The following GLP1R variants were observed in gnomAD, a reference collection of about 807,000 sequenced individuals.
The protein encoded by GLP1R is glucagon like peptide 1 receptor.
Under a neutral mutation model 68.4 loss-of-function variants are expected in GLP1R, and 32 were observed. The observed-to-expected ratio is 0.47, with a 90% CI of 0.35 to 0.63. GLP1R has a LOEUF of 0.63. Among genes scored for constraint, GLP1R ranks in the 20% least tolerant of loss-of-function variants. GLP1R has a pLI of 0.00. For missense variants in GLP1R, 502 were observed against 594.9 expected, an observed-to-expected ratio of 0.84 and a Z score of 1.62; for synonymous variants, 263 against 244.4, an observed-to-expected ratio of 1.08 and a Z score of -0.71.
rs1562021040 is a variant in GLP1R at position 39,086,036 on chromosome 6, G to C, written c.1355G>C (p.Ser452Thr). The change falls in exon 13 of 13, where the codon AGC becomes ACC. Residue 452 changes from serine (S) to threonine (T), a missense_variant. Ser to Thr is a moderately conservative substitution (Grantham distance 58). Coordinates refer to ENST00000373256, the MANE Select transcript of GLP1R (RefSeq NM_002062.5). This position sits in a 1 kb window ranked among gnomAD's most constrained non-coding sequence, Gnocchi z 4.5. ...AGCAGTGGAGCCACGGCGGGCAGCA[G>C]CATGTACACAGCCACTTGCCAGGCC... is the stretch of plus-strand genomic sequence containing the variant. ...SLSSGATAGSSMYTATCQASC... is the reference protein window; with the variant it reads ...SLSSGATAGSTMYTATCQASC... The C allele has an allele frequency of 6.2e-7, 1 of 1,614,022 alleles. No individual in the cohort carries two copies. Among genetic ancestry groups the C allele is most frequent in the Non-Finnish European group, 8.5e-7 (1 of 1,179,956 alleles).
chr6:39,072,600 A>C (rs1472292181), intron 5 of GLP1R, among the ~76,000 whole-genome samples: 1 of 152,252 alleles, frequency 6.6e-6, no homozygotes, highest in Non-Finnish European at 1.5e-5. Context: ...GTGTCAAAGA[A>C]GATGCTGCAG....
At chr6:39,065,178 G>A (rs1275439074) in intron 3 of GLP1R, among the ~76,000 whole-genome samples, 1 of 152,162 alleles carries the variant, frequency 6.6e-6, no homozygotes, top group African/African-American at 2.4e-5. Context: ...TCAGTGCTCT[G>A]TCTTCCTTCC....
intron 12 of GLP1R, among the ~76,000 whole-genome samples, chr6:39,085,176 T>C (rs1350987343): frequency 6.6e-6 from 1 of 151,994 alleles, no homozygotes; most frequent in Non-Finnish European, 1.5e-5. Context: ...GATTTGTCTC[T>C]TTCTGCCCCA....
At position 39,090,457 on chromosome 6, in the gene GLP1R, C is replaced by T. The variant is rs1434603236; in HGVS notation, c.*4384C>T. 6.6e-6 allele frequency among the ~76,000 whole-genome samples: 1 copy of T among 152,130 alleles called. No individual in the cohort carries two copies. Among genetic ancestry groups the T allele is most frequent in the Non-Finnish European group, 1.5e-5 (1 of 68,034 alleles). ...ATCCAACTTCCCTCCCTGCACTCCT[C>T]CTCCCCGACAGCTGCCTCAGGAATA... On this transcript the variant is annotated 3_prime_UTR_variant, in exon 13 of 13. Coordinates refer to ENST00000373256, the MANE Select transcript of GLP1R (RefSeq NM_002062.5).
intron 3 of GLP1R, among the ~76,000 whole-genome samples, chr6:39,058,532 C>T (rs1021987735): frequency 3.3e-5 from 5 of 152,118 alleles, no homozygotes; most frequent in Non-Finnish European, 5.9e-5. Context: ...TCTATCCCAG[C>T]CTCCCTTGCT....
At position 39,083,924 on chromosome 6, in the gene GLP1R, T is replaced by C. The variant is rs1050329813; in HGVS notation, c.1225-1982T>C. ...CTGATGTGAGATGCTCATGCATTTA[T>C]GTGTTCATTCATTTGGTTCATTTAA... On this transcript the variant is annotated intron_variant, in intron 12 of 12. Transcript: ENST00000373256. Among the ~76,000 whole-genome samples the C allele has an allele frequency of 4.6e-5, 7 of 152,244 alleles. No homozygotes were observed. In the East Asian group the frequency reaches 1.3e-3, roughly 29 times the overall value.
rs754231625 is a variant in GLP1R, at chr6:39,085,899, A to G, written c.1225-7A>G. ...TGGCTTTCGTTTCCCTCCTTTTCCC[A>G]TGGAAGGTCCAGCTGGAATTTCGGA... On this transcript the variant is annotated splice_region_variant and splice_polypyrimidine_tract_variant and intron_variant, in intron 12 of 12. Transcript: ENST00000373256. 8 of 1,613,604 alleles carry G rather than the reference A, an allele frequency of 5.0e-6. No individual in the cohort carries two copies. In the Admixed American group the frequency reaches 8.3e-5, roughly 17 times the overall value.
In GLP1R at chr6:39,088,455, G is replaced by A. The variant is rs568649488; in HGVS notation, c.*2382G>A. Among the ~76,000 whole-genome samples the A allele has an allele frequency of 4.6e-5, 7 of 152,280 alleles. No homozygotes were observed. The East Asian group carries it at 1.2e-3, about 25-fold the overall frequency. On this transcript the variant is annotated 3_prime_UTR_variant, in exon 13 of 13. Transcript: ENST00000373256. ...GCCTGATGCCTAATGCCATACGCCT[G>A]GAACTTGCTGAGAACTCTCGGCTGC... is the stretch of plus-strand genomic sequence containing the variant.
intron 1 of GLP1R, among the ~76,000 whole-genome samples, chr6:39,050,216 G>A (rs1299575388): frequency 6.6e-6 from 1 of 152,168 alleles, no homozygotes; most frequent in Non-Finnish European, 1.5e-5. Flanking sequence ...GCCAGGCCTT[G>A]GTTTTCCTGG....
chr6:39,080,808 A>G (rs1245862524), intron 12 of GLP1R, 69 bp downstream of exon 12: 4 of 917,230 alleles, frequency 4.4e-6, no homozygotes, highest in Non-Finnish European at 6.7e-6. Flanking sequence ...GAGTAGTACA[A>G]TGGGGACTCC....
intron 5 of GLP1R, among the ~76,000 whole-genome samples, chr6:39,069,078 G>A (rs1422986930): frequency 6.6e-6 from 1 of 152,164 alleles, no homozygotes; most frequent in Non-Finnish European, 1.5e-5. Flanking sequence ...GGGCAGCCAT[G>A]CTGTACCCTC....
At chr6:39,060,962 A>T (rs1286960511) in intron 3 of GLP1R, among the ~76,000 whole-genome samples, 1 of 152,208 alleles carries the variant, frequency 6.6e-6, no homozygotes, top group African/African-American at 2.4e-5. Context: ...CCCTTCTGCC[A>T]GGAGTGTGGC....
At chr6:39,054,373 G>T (rs1035828008) in intron 1 of GLP1R, among the ~76,000 whole-genome samples, 1 of 152,090 alleles carries the variant, frequency 6.6e-6, no homozygotes, top group African/African-American at 2.4e-5. Context: ...AGGCTCGAAG[G>T]TATTTAGAAG....
At chr6:39,068,305 C>T (rs753634843) in intron 5 of GLP1R, among the ~76,000 whole-genome samples, 13 of 152,162 alleles carry the variant, frequency 8.5e-5, no homozygotes, top group Non-Finnish European at 1.5e-4. Flanking sequence ...AAGCCCCACT[C>T]GCACAGCTTT....
In GLP1R at chr6:39,088,304, G is replaced by A. The variant is rs551790517; in HGVS notation, c.*2231G>A. Among the ~76,000 whole-genome samples, 24 of 150,676 alleles carry A rather than the reference G, an allele frequency of 1.6e-4. No individual in the cohort carries two copies. Among genetic ancestry groups the A allele is most frequent in the African/African-American group, 4.9e-4 (20 of 40,972 alleles). ...CCAACCCCCGCTCCCCCGGCCCCCC[G>A]AAGCTATTAATAGTCATTCAAATGG... is the stretch of plus-strand genomic sequence containing the variant. On this transcript the variant is annotated 3_prime_UTR_variant, in exon 13 of 13. Transcript: ENST00000373256.
chr6:39,054,802 AT>A (rs1768172716), intron 1 of GLP1R, among the ~76,000 whole-genome samples: 2 of 152,302 alleles, frequency 1.3e-5, no homozygotes, highest in South Asian at 4.1e-4. Context: ...TAGGGGCAGC[AT>A]GGAAGAGCCC....
chr6:39,050,711 A>G (rs1768068193), intron 1 of GLP1R, among the ~76,000 whole-genome samples: 1 of 152,220 alleles, frequency 6.6e-6, no homozygotes, highest in Non-Finnish European at 1.5e-5. Context: ...CGTGCTTATA[A>G]GACTAAAAAA....
chr6:39,057,338 T>A (rs1768238724), intron 2 of GLP1R, 134 bp from the exon 3 acceptor site: 4 of 642,680 alleles, frequency 6.2e-6, no homozygotes, highest in African/African-American at 1.8e-5. Flanking sequence ...GGGAAAGTGC[T>A]TGGCATACAG....
In GLP1R at chr6:39,072,664, C is replaced by A. The variant is rs186750605; in HGVS notation, c.510-198C>A. On this transcript the variant is annotated intron_variant, in intron 5 of 12. Coordinates refer to ENST00000373256, the MANE Select transcript of GLP1R (RefSeq NM_002062.5). ...GGGGGCAGTGACTACATAGCGGAAG[C>A]CTTCATGGAGAGGCAGGATTTGAGT... Among the ~76,000 whole-genome samples, 6 of 152,258 alleles carry A rather than the reference C, an allele frequency of 3.9e-5. No homozygotes were observed. In the East Asian group the frequency reaches 1.2e-3, roughly 29 times the overall value.
Sources: gnomAD v4.1 joint callset for allele counts (sites outside exome capture counted in the v4.1 genomes callset) on GRCh38, gnomAD v4.1.1 for gene constraint, Gnocchi (gnomAD v3.1) non-coding constraint, MANE v1.5 for transcripts, NCBI Gene and HGNC (gene_info 2026-07-23, HGNC 2026-07-21) for gene names.